CCDC126: variants seen among roughly 807,000 people sequenced by gnomAD.
CCDC126 encodes the protein coiled-coil domain containing 126, also known as coiled-coil domain-containing protein 126.
A neutral mutation model predicts 11.7 loss-of-function variants in CCDC126; 5 were observed. The observed-to-expected ratio is 0.43, with a 90% CI of 0.22 to 0.90. The LOEUF is 0.90. Among genes scored for constraint, CCDC126 ranks in the 40% least tolerant of loss-of-function variants. CCDC126 has a pLI of 0.27. For missense variants in CCDC126, 150 were observed against 163.1 expected (o/e 0.92, Z 0.44); for synonymous variants, 60 against 61.9 (o/e 0.97, Z 0.14).
intron 3 of CCDC126, among the ~76,000 whole-genome samples, chr7:23,623,710 T>A (rs1782965895): frequency 2.0e-5 from 3 of 152,158 alleles, no homozygotes; most frequent in Admixed American, 2.0e-4. Context: ...TACTTAATAA[T>A]GGGGTATTAT....
chr7:23,620,568 A>T (rs1782874954), intron 3 of CCDC126, among the ~76,000 whole-genome samples: 1 of 151,044 alleles, frequency 6.6e-6, no homozygotes, highest in Non-Finnish European at 1.5e-5. Flanking sequence ...GCTGTGCAGA[A>T]GCTCTTTAGT....
chr7:23,641,627 C>T (rs1260473995), intron 3 of CCDC126, among the ~76,000 whole-genome samples: 3 of 152,164 alleles, frequency 2.0e-5, no homozygotes, highest in Non-Finnish European at 4.4e-5. Context: ...AGGGCTTGGG[C>T]TCATTTTTTG....
At chr7:23,638,408 G>A (rs1783283680) in intron 3 of CCDC126, among the ~76,000 whole-genome samples, 1 of 83,488 alleles carries the variant, frequency 1.2e-5, no homozygotes, top group African/African-American at 5.8e-5. Flanking sequence ...GTTGATCTGT[G>A]ACCTTATCTC....
chr7:23,608,040 C>T (rs535484212), intron 2 of CCDC126, among the ~76,000 whole-genome samples: 10 of 152,192 alleles, frequency 6.6e-5, no homozygotes, highest in South Asian at 2.1e-4. Context: ...AAGTTTAAGG[C>T]GTCATGAATA....
intron 2 of CCDC126, chr7:23,601,979 C>T (rs1782553798): frequency 1.3e-5 from 2 of 152,260 alleles, no homozygotes; most frequent in South Asian, 2.1e-4. Context: ...AACCACCATG[C>T]CCAGCCTGTT....
chr7:23,639,231 A>G (rs1371378973), intron 3 of CCDC126, among the ~76,000 whole-genome samples: 7 of 143,732 alleles, frequency 4.9e-5, no homozygotes, highest in African/African-American at 1.3e-4. Context: ...TCGCTCTGTC[A>G]CCCAGGCTGG....
intron 2 of CCDC126, among the ~76,000 whole-genome samples, chr7:23,600,598 C>T (rs1467351069): frequency 6.6e-6 from 1 of 152,250 alleles, no homozygotes; most frequent in Non-Finnish European, 1.5e-5. Context: ...CCTTTGGAGA[C>T]TAATAGGCAG....
Position 23,607,881 on chromosome 7 carries a change from C to T in CCDC126, c.-145-3290C>T, listed in dbSNP as rs187658767. On this transcript the variant is annotated intron_variant, in intron 2 of 3. Coordinates refer to ENST00000307471, the MANE Select transcript of CCDC126 (RefSeq NM_138771.4). ...AAATTTGGAAAGGAGAGCTTTATTT[C>T]TTATAAAGGGTTGCAACCTGCACGG... Among the ~76,000 whole-genome samples, 97 of 152,258 alleles carry T rather than the reference C, an allele frequency of 6.4e-4. 1 individual carries two copies. In the East Asian group the frequency reaches 0.018, roughly 28 times the overall value.
intron 3 of CCDC126, among the ~76,000 whole-genome samples, chr7:23,615,917 A>G (rs953152205): frequency 6.6e-6 from 1 of 152,222 alleles, no homozygotes; most frequent in Non-Finnish European, 1.5e-5. Flanking sequence ...CTGAAATATG[A>G]TGAGAATTAC....
intron 3 of CCDC126, among the ~76,000 whole-genome samples, chr7:23,624,080 A>G (rs1782972742): frequency 6.6e-6 from 1 of 152,124 alleles, no homozygotes; most frequent in African/African-American, 2.4e-5. Flanking sequence ...CTTACTTCTC[A>G]TTAAAGATTT....
chr7:23,616,319 T>C (rs1056476567), intron 3 of CCDC126, among the ~76,000 whole-genome samples: 1 of 152,238 alleles, frequency 6.6e-6, no homozygotes, highest in Non-Finnish European at 1.5e-5. Context: ...TGTTTTAAGA[T>C]CACAATTTGT....
At chr7:23,632,180 GC>G (rs2128020748) in intron 3 of CCDC126, among the ~76,000 whole-genome samples, 2 of 146,698 alleles carry the variant, frequency 1.4e-5, no homozygotes, top group East Asian at 4.0e-4. Context: ...TGAAACCTCT[GC>G]CTCCCAGGTT....
At chr7:23,632,387 C>G (rs188709107) in intron 3 of CCDC126, among the ~76,000 whole-genome samples, 45 of 152,268 alleles carry the variant, frequency 3.0e-4, no homozygotes, top group African/African-American at 1.0e-3. Flanking sequence ...TGAGCCACCA[C>G]GCCTGGCCAC....
At chr7:23,640,187 A>AT (rs1783328770) in intron 3 of CCDC126, among the ~76,000 whole-genome samples, 1 of 150,484 alleles carries the variant, frequency 6.6e-6, no homozygotes, top group Non-Finnish European at 1.5e-5. Flanking sequence ...CGTCTCAAAA[A>AT]AAATAATAAT....
At chr7:23,624,846 T>G (rs1738943928) in intron 3 of CCDC126, among the ~76,000 whole-genome samples, 1 of 152,328 alleles carries the variant, frequency 6.6e-6, no homozygotes, top group East Asian at 1.9e-4. Context: ...ATTATTTCAT[T>G]TTATTTTAAT....
chr7:23,642,291 G>A (rs1047390240), intron 3 of CCDC126, among the ~76,000 whole-genome samples: 1 of 152,110 alleles, frequency 6.6e-6, no homozygotes, highest in Non-Finnish European at 1.5e-5. Flanking sequence ...GGGATTACAG[G>A]TCTGTGGTAG....
intron 3 of CCDC126, among the ~76,000 whole-genome samples, chr7:23,634,642 C>G (rs906699521): frequency 6.6e-6 from 1 of 152,120 alleles, no homozygotes; most frequent in African/African-American, 2.4e-5. Flanking sequence ...TGGCATTTTC[C>G]AAGTTCCCAA....
At chr7:23,612,989 TTTTCTC>T (rs1454241613) in intron 3 of CCDC126, among the ~76,000 whole-genome samples, 4 of 152,170 alleles carry the variant, frequency 2.6e-5, no homozygotes, top group Non-Finnish European at 5.9e-5. Flanking sequence ...TGTGTGGACA[TTTTCTC>T]TATTTCAGTT....
At chr7:23,633,582 G>A (rs1194239491) in intron 3 of CCDC126, among the ~76,000 whole-genome samples, 2 of 152,158 alleles carry the variant, frequency 1.3e-5, no homozygotes, top group Non-Finnish European at 2.9e-5. Flanking sequence ...AGCGACTTCT[G>A]GCTGGGTGTG....
Sources: gnomAD v4.1 joint callset for allele counts (sites outside exome capture counted in the v4.1 genomes callset) on GRCh38, gnomAD v4.1.1 for gene constraint, MANE v1.5 for transcripts, NCBI Gene and HGNC (gene_info 2026-07-23, HGNC 2026-07-21) for gene names.